EDN1: variants seen among roughly 807,000 people sequenced by gnomAD.
EDN1 encodes endothelin 1, also known as endothelin-1.
Under a neutral mutation model 21.7 loss-of-function variants are expected in EDN1, and 11 were observed. The observed-to-expected ratio is 0.51, with a 90% CI of 0.32 to 0.84. EDN1 has a LOEUF of 0.84. Among genes scored for constraint, EDN1 ranks in the 40% least tolerant of loss-of-function variants. EDN1 has a pLI of 0.03. For synonymous variants in EDN1, 85 were observed against 90.6 expected (o/e 0.94, Z 0.35); for missense variants, 244 against 262.3 (o/e 0.93, Z 0.48).
At chr6:12,239,303 G>T in the EDN1 span, among the ~76,000 whole-genome samples, 1 of 152,174 alleles carries the variant, frequency 6.6e-6, no homozygotes, top group African/African-American at 2.4e-5. Context: ...TAATAGGATT[G>T]CTAATTATAC....
chr6:12,260,774 A>G, the EDN1 span, among the ~76,000 whole-genome samples: 11 of 152,006 alleles, frequency 7.2e-5, no homozygotes, highest in Non-Finnish European at 1.6e-4. Context: ...ACTCTTGATT[A>G]TATCAGGTGT....
At chr6:12,232,787 C>T in the EDN1 span, among the ~76,000 whole-genome samples, 1 of 152,340 alleles carries the variant, frequency 6.6e-6, no homozygotes, top group South Asian at 2.1e-4. Context: ...GTGATTCATG[C>T]ATATACCTTT....
intron 2 of EDN1, 28 bp from the exon 3 acceptor site, chr6:12,293,913 A>G (rs1762753967): frequency 1.2e-6 from 2 of 1,613,232 alleles, no homozygotes; most frequent in Non-Finnish European, 1.7e-6. Context: ...TTACACTAAT[A>G]TAGTTTCTTT....
In EDN1 at chr6:12,296,251, C is replaced by A; in HGVS notation, c.*184C>A. The A allele has an allele frequency of 1.7e-6, 1 of 605,202 alleles. No homozygotes were observed. The allele number at this position is 605,202 out of a possible 1,614,324, so 37.5% of individuals were successfully genotyped here. ...TAAGGAGTTCCCCCAACCATCTTCA[C>A]TGGCTTCCATCAGTGGTAACTGCTT... On this transcript the variant is annotated 3_prime_UTR_variant, in exon 5 of 5. Coordinates refer to ENST00000379375, the MANE Select transcript of EDN1 (RefSeq NM_001955.5).
chr6:12,231,868 G>A, the EDN1 span, among the ~76,000 whole-genome samples: 6 of 151,662 alleles, frequency 4.0e-5, no homozygotes, highest in Admixed American at 2.0e-4. Flanking sequence ...GTCACCTAAC[G>A]GTGATTTTCT....
chr6:12,264,122 G>A, the EDN1 span, among the ~76,000 whole-genome samples: 97 of 152,204 alleles, frequency 6.4e-4, no homozygotes, highest in Middle Eastern at 3.4e-3. Context: ...ATAATAGTAC[G>A]AATATTCTCA....
chr6:12,290,586 T>G lies in EDN1; in HGVS notation c.-44T>G. The G allele has an allele frequency of 6.4e-7, 1 of 1,557,150 alleles. No homozygotes were observed. Among genetic ancestry groups the G allele is most frequent in the Non-Finnish European group, 8.9e-7 (1 of 1,128,330 alleles). ...GAAGCTGTTTTTCTTCGTTTTCCTT[T>G]GGGTTCAGTTTGAACGGGAGGTTTT... On this transcript the variant is annotated 5_prime_UTR_variant, in exon 1 of 5. Coordinates refer to ENST00000379375, the MANE Select transcript of EDN1 (RefSeq NM_001955.5).
the EDN1 span, among the ~76,000 whole-genome samples, chr6:12,257,713 C>T: frequency 6.6e-6 from 1 of 152,258 alleles, no homozygotes; most frequent in East Asian, 1.9e-4. Flanking sequence ...GATTACAGGA[C>T]TCTTCATTTC....
the EDN1 span, among the ~76,000 whole-genome samples, chr6:12,262,925 C>T: frequency 6.6e-6 from 1 of 151,466 alleles, no homozygotes; most frequent in East Asian, 1.9e-4. Context: ...TTTACTCTCC[C>T]AGTTCTCCAA....
At chr6:12,250,898 G>T in the EDN1 span, among the ~76,000 whole-genome samples, 1 of 152,234 alleles carries the variant, frequency 6.6e-6, no homozygotes, top group East Asian at 1.9e-4. Context: ...ACAACTGGAG[G>T]TTATCCACAC....
the EDN1 span, among the ~76,000 whole-genome samples, chr6:12,235,004 A>G: frequency 6.6e-6 from 1 of 152,218 alleles, no homozygotes; most frequent in African/African-American, 2.4e-5. Flanking sequence ...ATTTTATCAT[A>G]TTCATTGTTT....
the EDN1 span, among the ~76,000 whole-genome samples, chr6:12,235,722 A>G: frequency 6.6e-6 from 1 of 152,330 alleles, no homozygotes; most frequent in Middle Eastern, 3.4e-3. Context: ...CAATGTAGAA[A>G]ATGTTACTTG....
the EDN1 span, among the ~76,000 whole-genome samples, chr6:12,237,641 A>G: frequency 2.6e-5 from 4 of 152,282 alleles, no homozygotes; most frequent in African/African-American, 7.2e-5. Flanking sequence ...TCCTAGGACC[A>G]TATGATGACC....
intron 1 of EDN1, among the ~76,000 whole-genome samples, chr6:12,290,910 A>T (rs1418839716): frequency 6.6e-6 from 1 of 152,102 alleles, no homozygotes; most frequent in African/African-American, 2.4e-5. Context: ...TGACTATAAC[A>T]TGACATTAAA....
the EDN1 span, among the ~76,000 whole-genome samples, chr6:12,256,643 A>G: frequency 6.6e-6 from 1 of 152,230 alleles, no homozygotes; most frequent in Non-Finnish European, 1.5e-5. Flanking sequence ...GAGCTCCCGC[A>G]TGCACCAAGT....
At chr6:12,245,499 TG>T in the EDN1 span, among the ~76,000 whole-genome samples, 33 of 152,278 alleles carry the variant, frequency 2.2e-4, no homozygotes, top group African/African-American at 7.7e-4. Context: ...ACTGAAAACC[TG>T]GGGGGAAAGA....
the EDN1 span, among the ~76,000 whole-genome samples, chr6:12,284,916 G>T: frequency 2.0e-5 from 3 of 152,086 alleles, no homozygotes; most frequent in African/African-American, 7.2e-5. Context: ...TAGACTTAAT[G>T]AAGTGACTTG....
upstream of EDN1, among the ~76,000 whole-genome samples, chr6:12,288,129 G>T (rs76502327): frequency 0.036 from 5,423 of 152,108 alleles, 337 homozygotes; most frequent in African/African-American, 0.12. Context: ...GTAGAACCCA[G>T]GCTGGACCTG....
the EDN1 span, among the ~76,000 whole-genome samples, chr6:12,245,035 T>C: frequency 6.6e-6 from 1 of 152,338 alleles, no homozygotes; most frequent in Non-Finnish European, 1.5e-5. Context: ...CTTATCAATA[T>C]CACCCATAAT....
Sources: allele counts gnomAD v4.1 joint callset (sites outside exome capture counted in the v4.1 genomes callset), GRCh38; gene constraint gnomAD v4.1.1; transcripts MANE v1.5; gene names NCBI Gene and HGNC (gene_info 2026-07-23, HGNC 2026-07-21).